Variants in C8orf34 observed in about 807,000 individuals in gnomAD.
C8orf34 encodes chromosome 8 open reading frame 34.
A neutral mutation model predicts 68.3 loss-of-function variants in C8orf34; 65 were observed. The observed-to-expected ratio is 0.95, with a 90% confidence interval of 0.78 to 1.17. The LOEUF (loss-of-function observed/expected upper bound fraction) is 1.17. C8orf34 is among the 50% of genes most tolerant of loss of function. The pLI is 0.00. For missense variants in C8orf34, 664 were observed against 655.4 expected (o/e 1.01, Z -0.14); for synonymous variants, 244 against 241.2 (o/e 1.01, Z -0.11).
chr8:68,678,930 AC>A (rs1306593684), intron 8 of C8orf34, among the ~76,000 whole-genome samples: 2 of 152,138 alleles, frequency 1.3e-5, no homozygotes, highest in Non-Finnish European at 2.9e-5. Context: ...AAATCAACAA[AC>A]AAAAATCAGT....
intron 10 of C8orf34, among the ~76,000 whole-genome samples, chr8:68,760,840 A>G (rs1468765679): frequency 6.6e-6 from 1 of 152,192 alleles, no homozygotes; most frequent in African/African-American, 2.4e-5. Context: ...CCAGTGTGTG[A>G]GTTTAAATCA....
intron 7 of C8orf34, among the ~76,000 whole-genome samples, chr8:68,572,222 C>T (rs1215361006): frequency 1.4e-5 from 2 of 145,122 alleles, no homozygotes; most frequent in African/African-American, 2.8e-5. Context: ...GGATGTGGTG[C>T]ATGACTGTAT....
chr8:68,667,777 A>G (rs918498314), intron 8 of C8orf34, among the ~76,000 whole-genome samples: 1 of 152,218 alleles, frequency 6.6e-6, no homozygotes, highest in Non-Finnish European at 1.5e-5. Flanking sequence ...GCCAATTTCT[A>G]GTCACTAGAG....
In C8orf34 at chr8:68,339,158, ATTTTG is replaced by A. The variant is rs1805971270; in HGVS notation, c.327+7820_327+7824del. ...TTTTCATATAAAAATACCTGCTGGA[ATTTTG>A]ATTCAGATTGTGTTGAATTTATAGG... On this transcript the variant is annotated intron_variant, in intron 1 of 13. Transcript: ENST00000518698. 5.9e-5 allele frequency among the ~76,000 whole-genome samples: 9 copies of A among 152,140 alleles called. No individual in the cohort carries two copies. In the South Asian group the frequency reaches 1.9e-3, roughly 32 times the overall value.
At chr8:68,481,000 G>A (rs1812835345) in intron 4 of C8orf34, among the ~76,000 whole-genome samples, 1 of 152,152 alleles carries the variant, frequency 6.6e-6, no homozygotes, top group Non-Finnish European at 1.5e-5. Flanking sequence ...CAAGACCATG[G>A]GCAAAATGTC....
chr8:68,350,543 C>T (rs148579777), intron 1 of C8orf34, among the ~76,000 whole-genome samples: 374 of 152,002 alleles, frequency 2.5e-3, no homozygotes, highest in African/African-American at 8.4e-3. Flanking sequence ...CTGAAGTCTC[C>T]CACTATTATT....
chr8:68,655,666 G>T (rs1355008080), intron 8 of C8orf34, among the ~76,000 whole-genome samples: 3 of 152,182 alleles, frequency 2.0e-5, no homozygotes, highest in Non-Finnish European at 4.4e-5. Context: ...GCTTGTTCGA[G>T]CAGTTAGGTG....
At chr8:68,633,462 A>T (rs563395269) in intron 7 of C8orf34, among the ~76,000 whole-genome samples, 1 of 152,312 alleles carries the variant, frequency 6.6e-6, no homozygotes, top group Admixed American at 6.5e-5. Flanking sequence ...CACTTACTAG[A>T]CAGTTCAATT....
chr8:68,543,704 A>G (rs1797612545), intron 7 of C8orf34, among the ~76,000 whole-genome samples: 1 of 152,206 alleles, frequency 6.6e-6, no homozygotes, highest in Admixed American at 6.5e-5. Context: ...ATCCAAATTC[A>G]TATTAATATT....
At chr8:68,486,249 C>T (rs190160217) in intron 4 of C8orf34, among the ~76,000 whole-genome samples, 2 of 152,258 alleles carry the variant, frequency 1.3e-5, no homozygotes, top group East Asian at 3.9e-4. Flanking sequence ...TTCCCCTTGA[C>T]TGTGGTGCTG....
intron 9 of C8orf34, among the ~76,000 whole-genome samples, chr8:68,717,673 A>G (rs533618845): frequency 6.6e-6 from 1 of 152,240 alleles, no homozygotes; most frequent in East Asian, 1.9e-4. Context: ...AATAGATCAT[A>G]TATACTAATA....
chr8:68,439,741 T>G (rs1289444302), intron 2 of C8orf34, 95 bp downstream of exon 2: 1 of 1,255,250 alleles, frequency 8.0e-7, no homozygotes, highest in Non-Finnish European at 1.1e-6. Flanking sequence ...TCTAGATAGA[T>G]AGTTACCAAA....
At chr8:68,602,512 A>G (rs922147969) in intron 7 of C8orf34, among the ~76,000 whole-genome samples, 2 of 152,076 alleles carry the variant, frequency 1.3e-5, no homozygotes, top group Non-Finnish European at 2.9e-5. Context: ...GAACTTACTC[A>G]CCATCACGAG....
intron 1 of C8orf34, among the ~76,000 whole-genome samples, chr8:68,332,671 A>G (rs1222689163): frequency 3.9e-5 from 6 of 152,160 alleles, no homozygotes; most frequent in Non-Finnish European, 2.9e-5. Flanking sequence ...CGGGTTTCAC[A>G]TAACAAGATT....
chr8:68,499,126 TG>T (rs371479941), intron 5 of C8orf34, among the ~76,000 whole-genome samples: 87 of 152,298 alleles, frequency 5.7e-4, no homozygotes, highest in African/African-American at 2.0e-3. Context: ...CCCATCTTTA[TG>T]GCCATGTGTG....
chr8:68,816,138 CTGTG>C (rs138646973), intron 13 of C8orf34, among the ~76,000 whole-genome samples, 193 bp downstream of exon 13: 19 of 146,756 alleles, frequency 1.3e-4, no homozygotes, highest in South Asian at 6.5e-4. Context: ...GTGTGTTTCT[CTGTG>C]TGTGTGTGTG....
At chr8:68,816,956 A>G (rs1824838966) in intron 13 of C8orf34, among the ~76,000 whole-genome samples, 1 of 152,210 alleles carries the variant, frequency 6.6e-6, no homozygotes, top group South Asian at 2.1e-4. Context: ...GTACACAACT[A>G]TCACGTGGTT....
At chr8:68,531,925 G>C (rs1815263428) in intron 6 of C8orf34, among the ~76,000 whole-genome samples, 1 of 152,044 alleles carries the variant, frequency 6.6e-6, no homozygotes, top group African/African-American at 2.4e-5. Context: ...GCAAGAGAAG[G>C]TGGCCCATGT....
chr8:68,660,732 C>G (rs2130807826), intron 8 of C8orf34, among the ~76,000 whole-genome samples: 1 of 152,248 alleles, frequency 6.6e-6, no homozygotes, highest in East Asian at 1.9e-4. Flanking sequence ...TTCATGGACT[C>G]ATTAAGTCCC....
Sources: gnomAD v4.1 joint callset for allele counts (sites outside exome capture counted in the v4.1 genomes callset) on GRCh38, gnomAD v4.1.1 for gene constraint, MANE v1.5 for transcripts, NCBI Gene and HGNC (gene_info 2026-07-23, HGNC 2026-07-21) for gene names.